The following C19orf38 variants were observed in gnomAD, a reference collection of about 807,000 sequenced individuals.
C19orf38 encodes the protein protein HIDE1.
C19orf38 carries 14 observed loss-of-function variants against 26.6 expected under a neutral mutation model. The ratio of observed to expected loss-of-function variants is 0.53; its 90% CI spans 0.35 to 0.82. C19orf38 has a LOEUF of 0.82. Ranked by LOEUF, C19orf38 falls within the 40% of genes least tolerant of loss-of-function variation. The probability of loss-of-function intolerance (pLI) is 0.01; values close to 1 mark genes in which losing one functional copy is unlikely to be tolerated. For synonymous variants in C19orf38, 132 were observed against 128.5 expected, an observed-to-expected ratio of 1.03 and a Z score of -0.18; for missense variants, 261 against 299.5, an observed-to-expected ratio of 0.87 and a Z score of 0.95.
At position 10,850,257 on chromosome 19, in the gene C19orf38, A is replaced by G; in HGVS notation, c.32-2A>G. On this transcript the variant is annotated splice_acceptor_variant, in intron 1 of 6. Coordinates refer to ENST00000397820, the MANE Select transcript of C19orf38 (RefSeq NM_001136482.3). LOFTEE classifies it high-confidence loss of function. ...CCACCCACCTTACCCTCTGCATTGC[A>G]GGCTCCTTGGCGATCCCAGCACCAT... is the stretch of plus-strand genomic sequence containing the variant. 1 of 1,548,826 alleles carries G rather than the reference A, an allele frequency of 6.5e-7. No individual in the cohort carries two copies.
intron 1 of C19orf38, among the ~76,000 whole-genome samples, chr19:10,840,886 C>T (rs1289554357): frequency 6.6e-6 from 1 of 152,234 alleles, no homozygotes; most frequent in Non-Finnish European, 1.5e-5. Context: ...CTGCCCACCT[C>T]GGCCTCCTAA....
chr19:10,855,096 G>T (rs1316749719), intron 2 of C19orf38, among the ~76,000 whole-genome samples: 1 of 141,306 alleles, frequency 7.1e-6, no homozygotes, highest in Non-Finnish European at 1.5e-5. Context: ...GGAAGGCAAT[G>T]GCCCAATCTC....
chr19:10,864,484 G>A (rs1245715470), intron 6 of C19orf38, among the ~76,000 whole-genome samples: 2 of 152,132 alleles, frequency 1.3e-5, no homozygotes, highest in Non-Finnish European at 2.9e-5. Flanking sequence ...AGGAGTCGAA[G>A]GGGACCCCAT....
intron 4 of C19orf38, 68 bp from the exon 5 acceptor site, chr19:10,859,847 C>T: frequency 6.9e-7 from 1 of 1,451,160 alleles, no homozygotes; most frequent in Non-Finnish European, 9.5e-7. Context: ...CCAGGGCTTT[C>T]CCGATCAAGC....
At chr19:10,863,308 C>G in intron 6 of C19orf38, 101 bp downstream of exon 6, 2 of 1,314,524 alleles carry the variant, frequency 1.5e-6, no homozygotes, top group Non-Finnish European at 2.1e-6. Flanking sequence ...GACCTGCTGT[C>G]TCTAAGCTGC....
At chr19:10,862,464 C>G (rs987466132) in intron 5 of C19orf38, among the ~76,000 whole-genome samples, 1 of 152,022 alleles carries the variant, frequency 6.6e-6, no homozygotes, top group Admixed American at 6.6e-5. Context: ...CTTGGCCTTC[C>G]AAAGCGTTGG....
chr19:10,853,061 A>T (rs1038557358), intron 2 of C19orf38, among the ~76,000 whole-genome samples: 6 of 151,722 alleles, frequency 4.0e-5, no homozygotes, highest in African/African-American at 1.5e-4. Context: ...AAAAAAAAAA[A>T]ATTATTTTAT....
At position 10,850,525 on chromosome 19, in the gene C19orf38, C is replaced by G; in HGVS notation, c.298C>G (p.Gln100Glu). ...AGTGTTAGGTGAGCTCAACCAGTCC[C>G]AGCTGTCAGACCTCAGCGAGCCCGT... is the stretch of plus-strand genomic sequence containing the variant. ...YGVLGELNQS[Q>E]LSDLSEPVNV... The change falls in exon 2 of 7, where the codon CAG becomes GAG. Residue 100 changes from glutamine to glutamate, a missense_variant. Transcript: ENST00000397820. 6.4e-7 allele frequency: 1 copy of G among 1,551,638 alleles called. No homozygotes were observed. The highest frequency in any genetic ancestry group is 8.7e-7 in the Non-Finnish European group (1 of 1,146,974).
intron 1 of C19orf38, among the ~76,000 whole-genome samples, chr19:10,841,412 G>A (rs2073476824): frequency 6.6e-6 from 1 of 152,146 alleles, no homozygotes; most frequent in African/African-American, 2.4e-5. Flanking sequence ...GAGCCCAGGA[G>A]TTCAAGGCTG....
At chr19:10,847,828 G>C (rs1454499566), upstream of C19orf38, among the ~76,000 whole-genome samples, 1 of 152,162 alleles carries the variant, frequency 6.6e-6, no homozygotes, top group Admixed American at 6.6e-5. Flanking sequence ...GCTATGGTTT[G>C]TGTCTTGGGC....
chr19:10,849,134 T>C (rs999749997), intron 1 of C19orf38, among the ~76,000 whole-genome samples: 9 of 141,406 alleles, frequency 6.4e-5, no homozygotes, highest in African/African-American at 2.4e-4. Flanking sequence ...CCCACCTCAC[T>C]CACCCCCTCC....
intron 4 of C19orf38, among the ~76,000 whole-genome samples, chr19:10,859,244 ATGTGTGTGTGTGTGTGTG>A (rs35791729): frequency 3.4e-5 from 4 of 119,392 alleles, no homozygotes; most frequent in African/African-American, 1.3e-4. Flanking sequence ...GCTTTTATAT[ATGTGTGTGTGTGTGTGTG>A]TGTGTGTGTG....
chr19:10,863,103 G>T, intron 5 of C19orf38, 67 bp from the exon 6 acceptor site: 1 of 1,485,820 alleles, frequency 6.7e-7, no homozygotes, highest in Non-Finnish European at 9.2e-7. Context: ...GCAGTGCGGG[G>T]ATGGCAGGGA....
chr19:10,847,930 C>T (rs1417643994), upstream of C19orf38, among the ~76,000 whole-genome samples: 1 of 152,148 alleles, frequency 6.6e-6, no homozygotes, highest in East Asian at 2.0e-4. Context: ...CGGTGGCTCA[C>T]GCCTGAAATC....
chr19:10,857,339 C>CATACAT (rs1555721097), intron 3 of C19orf38, among the ~76,000 whole-genome samples: 1 of 54,028 alleles, frequency 1.9e-5, no homozygotes, highest in Non-Finnish European at 3.0e-5. Flanking sequence ...CACACACATA[C>CATACAT]ATATATATAT....
At chr19:10,845,403 C>T (rs2073509197), upstream of C19orf38, among the ~76,000 whole-genome samples, 1 of 151,984 alleles carries the variant, frequency 6.6e-6, no homozygotes, top group Non-Finnish European at 1.5e-5. Context: ...AGTAAGCTGC[C>T]CCCCAAAAAG....
chr19:10,861,149 GAAGA>G (rs2081715665), intron 5 of C19orf38, among the ~76,000 whole-genome samples: 2 of 152,048 alleles, frequency 1.3e-5, no homozygotes, highest in South Asian at 4.2e-4. Context: ...CTCAAAAAAG[GAAGA>G]AAGAAACAAA....
intron 5 of C19orf38, among the ~76,000 whole-genome samples, chr19:10,861,022 A>C (rs988660662): frequency 6.6e-6 from 1 of 151,862 alleles, no homozygotes; most frequent in African/African-American, 2.4e-5. Context: ...GTGTTCCTGT[A>C]GTCCCAGCTA....
At chr19:10,837,594 T>A (rs2073445592) in intron 1 of C19orf38, among the ~76,000 whole-genome samples, 1 of 143,420 alleles carries the variant, frequency 7.0e-6, no homozygotes, top group Non-Finnish European at 1.5e-5. Context: ...GCAACCTCCG[T>A]CTCCTGGGGT....
Sources: allele counts gnomAD v4.1 joint callset (sites outside exome capture counted in the v4.1 genomes callset), GRCh38; gene constraint gnomAD v4.1.1; transcripts MANE v1.5; gene names NCBI Gene and HGNC (gene_info 2026-07-23, HGNC 2026-07-21).